RGL2: variants seen among roughly 807,000 people sequenced by gnomAD.
The protein encoded by RGL2 is ral guanine nucleotide dissociation stimulator like 2.
A neutral mutation model predicts 84.6 loss-of-function variants in RGL2; 40 were observed. That is an observed-to-expected ratio of 0.47 (90% CI 0.37 to 0.62). The LOEUF (loss-of-function observed/expected upper bound fraction) is 0.62, where lower values mean the gene tolerates loss of function less well. RGL2 is among the 20% of genes least tolerant of loss of function. The probability of loss-of-function intolerance (pLI) is 0.00; values close to 1 mark genes in which losing one functional copy is unlikely to be tolerated. For synonymous variants in RGL2, 369 were observed against 417.3 expected (o/e 0.88, Z 1.41); for missense variants, 865 against 1,019.7 (o/e 0.85, Z 2.07).
At position 33,295,457 on chromosome 6, in the gene RGL2, G is replaced by A. The variant is rs769671081; in HGVS notation, c.1021-35C>T. 1.1e-5 allele frequency: 18 copies of A among 1,613,422 alleles called. No homozygotes were observed. In the South Asian group the frequency reaches 1.9e-4, roughly 17 times the overall value. On this transcript the variant is annotated intron_variant, in intron 7 of 17. Coordinates refer to ENST00000497454, the MANE Select transcript of RGL2 (RefSeq NM_004761.5). This position sits in a 1 kb window ranked among gnomAD's most constrained non-coding sequence, Gnocchi z 7.2. ...TCAAAGAAGAGAGCTAAGGCTATGG[G>A]AGGCCTCTCCATTCCATGGCCACAA... is the stretch of plus-strand genomic sequence containing the variant.
At position 33,295,333 on chromosome 6, in the gene RGL2, C is replaced by A. The variant is rs1183889550; in HGVS notation, c.1110G>T (p.Trp370Cys). The stretch of plus-strand genomic sequence containing the variant: ...AGCCTCCGCACCTGGTTGCTTCCCC[C>A]CAGGCTGCCCGAAGCCTGTGGATGG... Reference protein sequence around the residue: ...SSPIHRLRAAWGEATRDSLRV... With the variant: ...SSPIHRLRAACGEATRDSLRV... The change falls in exon 8 of 18, where the codon TGG becomes TGT. Residue 370 changes from tryptophan to cysteine, a missense_variant. Transcript: ENST00000497454. The surrounding 1 kb of genome is among the most constrained non-coding windows in gnomAD (Gnocchi z 7.2). The A allele has an allele frequency of 1.3e-6, 2 of 1,582,108 alleles. No homozygotes were observed.
Position 33,293,509 on chromosome 6 carries a change from A to G in RGL2, c.1620T>C (p.Val540=). ...ISQWTEVLGS[V]GVPTPLVSCD... ...AGGACACAAGCGGGGTAGGGACCCC[A>G]ACAGAGCCCAAAACCCTGCAGTGGC... The change falls in exon 15 of 18, where the codon GTT becomes GTC. Residue 540 remains valine, a synonymous_variant. Coordinates refer to ENST00000497454, the MANE Select transcript of RGL2 (RefSeq NM_004761.5). The surrounding 1 kb of genome is among the most constrained non-coding windows in gnomAD (Gnocchi z 7.0). The G allele has an allele frequency of 6.2e-7, 1 of 1,613,954 alleles. No individual in the cohort carries two copies. Among genetic ancestry groups the G allele is most frequent in the Middle Eastern group, 1.7e-4 (1 of 6,060 alleles).
chr6:33,292,309 C>A lies in RGL2; in HGVS notation c.2127G>T (p.Leu709=). Residue 709 remains leucine (L), a synonymous_variant, in exon 18 of 18, where the codon CTG becomes CTT. Coordinates refer to ENST00000497454, the MANE Select transcript of RGL2 (RefSeq NM_004761.5). ...LVQLLPGERE[L]TIPASANVFY... ...ATACATTAGCCGAGGCTGGGATAGT[C>A]AGCTCTGAAGGTTCAGGGGATGGAT... 1 of 1,613,766 alleles carries A rather than the reference C, an allele frequency of 6.2e-7. No homozygotes were observed. The highest frequency in any genetic ancestry group is 8.5e-7 in the Non-Finnish European group (1 of 1,179,732).
At position 33,292,082 on chromosome 6, in the gene RGL2, A is replaced by G. The variant is rs1192239476; in HGVS notation, c.*20T>C. ...CTGGTATGAACACCATGACTTCTGTAAGCCAACGGGGCTTCCTCCTCAGAA... is the reference window on the plus strand; with the variant it reads ...CTGGTATGAACACCATGACTTCTGTGAGCCAACGGGGCTTCCTCCTCAGAA... On this transcript the variant is annotated 3_prime_UTR_variant, in exon 18 of 18. Coordinates refer to ENST00000497454, the MANE Select transcript of RGL2 (RefSeq NM_004761.5). 6.2e-7 allele frequency: 1 copy of G among 1,613,384 alleles called. No individual in the cohort carries two copies. Among genetic ancestry groups the G allele is most frequent in the East Asian group, 2.2e-5 (1 of 44,894 alleles).
rs770605074 is a variant in RGL2, at chr6:33,295,483, ACC to A, written c.1020+23_1020+24del. The A allele has an allele frequency of 6.2e-7, 1 of 1,613,016 alleles. No homozygotes were observed. Among genetic ancestry groups the A allele is most frequent in the East Asian group, 2.2e-5 (1 of 44,852 alleles). ...AGGCCTCTCCATTCCATGGCCACAAACCGTAGGGCAATCTTCTCTCTCACCTC... is the reference window on the plus strand; with the variant it reads ...AGGCCTCTCCATTCCATGGCCACAAAGTAGGGCAATCTTCTCTCTCACCTC... On this transcript the variant is annotated intron_variant, in intron 7 of 17. Coordinates refer to ENST00000497454, the MANE Select transcript of RGL2 (RefSeq NM_004761.5). This position sits in a 1 kb window ranked among gnomAD's most constrained non-coding sequence, Gnocchi z 7.2.
In RGL2 at chr6:33,297,734, GTGGC is replaced by G. The variant is rs1768125140; in HGVS notation, c.157-623_157-620del. Reference sequence around the variant, plus strand: ...GGGGGCGGTAGACTCAGAGAGTCACGTGGCCCCAGCCCCTCCCCCGACCGATCCC... The same window carrying G: ...GGGGGCGGTAGACTCAGAGAGTCACGCCCAGCCCCTCCCCCGACCGATCCC... On this transcript the variant is annotated intron_variant, in intron 2 of 17. Transcript: ENST00000497454. The surrounding 1 kb of genome is among the most constrained non-coding windows in gnomAD (Gnocchi z 4.0). 1 of 152,418 alleles carries G rather than the reference GTGGC, an allele frequency of 6.6e-6. No individual in the cohort carries two copies. Among genetic ancestry groups the G allele is most frequent in the Non-Finnish European group, 1.5e-5 (1 of 68,258 alleles). 9.4% of individuals were successfully genotyped at this position (152,418 alleles called of 1,614,324 possible).
chr6:33,293,125 C>T lies in RGL2; in HGVS notation c.1898G>A (p.Gly633Glu), dbSNP rs901418296. Residue 633 changes from glycine to glutamate, a missense_variant, in exon 16 of 18, where the codon GGG becomes GAG. Transcript: ENST00000497454. The surrounding 1 kb of genome is among the most constrained non-coding windows in gnomAD (Gnocchi z 7.0). The stretch of plus-strand genomic sequence containing the variant: ...TCCCTCTCCCCCATATCCAGTCCCC[C>T]CGGAGGCCTCTTCTGCACCCCCACT... ...PLSGGAEEAS[G>E]GTGYGGEGSG... 1 of 1,613,086 alleles carries T rather than the reference C, an allele frequency of 6.2e-7. No homozygotes were observed. The highest frequency in any genetic ancestry group is 8.5e-7 in the Non-Finnish European group (1 of 1,179,532).
Position 33,296,381 on chromosome 6 carries a change from G to A in RGL2, c.470+33C>T, listed in dbSNP as rs1470318587. On this transcript the variant is annotated intron_variant, in intron 5 of 17. Transcript: ENST00000497454. The surrounding 1 kb of genome is among the most constrained non-coding windows in gnomAD (Gnocchi z 5.0). Reference sequence around the variant, plus strand: ...GGTAAAGCTGCAGCCTGGGCAGAGGGGACTGTGAGATTAAGAACCAGGGGT... The same window carrying A: ...GGTAAAGCTGCAGCCTGGGCAGAGGAGACTGTGAGATTAAGAACCAGGGGT... 1.2e-6 allele frequency: 2 copies of A among 1,606,472 alleles called. No homozygotes were observed. Among genetic ancestry groups the A allele is most frequent in the Non-Finnish European group, 1.7e-6 (2 of 1,175,888 alleles).
In RGL2 at chr6:33,295,262, C is replaced by G. The variant is rs1767830876; in HGVS notation, c.1125-51G>C. The G allele has an allele frequency of 1.3e-6, 2 of 1,565,900 alleles. No homozygotes were observed. Among genetic ancestry groups the G allele is most frequent in the Middle Eastern group, 1.7e-4 (1 of 6,004 alleles). On this transcript the variant is annotated intron_variant, in intron 8 of 17. Transcript: ENST00000497454. This position sits in a 1 kb window ranked among gnomAD's most constrained non-coding sequence, Gnocchi z 7.2. ...GAGGACAGGCCTGGCTCTGTCACCCCCTCTTCCCCGCCTTCTGAGGAACCC... is the reference window on the plus strand; with the variant it reads ...GAGGACAGGCCTGGCTCTGTCACCCGCTCTTCCCCGCCTTCTGAGGAACCC...
At chr6:33,301,583 A>G (rs541143582), upstream of RGL2, 120 of 629,226 alleles carry the variant, frequency 1.9e-4, no homozygotes, top group Admixed American at 3.5e-3. Flanking sequence ...CAAAAAAAAA[A>G]AAAAAAGAAA....
Position 33,294,563 on chromosome 6 carries a change from G to T in RGL2, c.1353+125C>A. ...ACTGAGGCGACTTGGCACAGAAACA[G>T]ATCTGGCTCTGTCCCACACTCAGCT... On this transcript the variant is annotated intron_variant, in intron 11 of 17. Transcript: ENST00000497454. The surrounding 1 kb of genome is among the most constrained non-coding windows in gnomAD (Gnocchi z 5.0). 1 of 978,338 alleles carries T rather than the reference G, an allele frequency of 1.0e-6. No homozygotes were observed. The highest frequency in any genetic ancestry group is 1.5e-6 in the Non-Finnish European group (1 of 649,718). 60.6% of individuals were successfully genotyped at this position (978,338 alleles called of 1,614,324 possible).
rs752098624 is a variant in RGL2 at position 33,293,853 on chromosome 6, G to A, written c.1450C>T (p.Pro484Ser). Residue 484 changes from proline (P) to serine (S), a missense_variant, in exon 13 of 18, where the codon CCT (proline) becomes TCT (serine). This residue lies in a region of RGL2 where 75 missense variants were observed against 130.8 expected (regional missense o/e 0.57). Coordinates refer to ENST00000497454, the MANE Select transcript of RGL2 (RefSeq NM_004761.5). This position sits in a 1 kb window ranked among gnomAD's most constrained non-coding sequence, Gnocchi z 7.0. Reference sequence around the variant, plus strand: ...AGCCACCTCTGGATATCATGGTCAGGTTGGAGGTTATAGCCACGACATTCA... The same window carrying A: ...AGCCACCTCTGGATATCATGGTCAGATTGGAGGTTATAGCCACGACATTCA... ...QNECRGYNLQ[P>S]DHDIQRWLQG... 1.9e-6 allele frequency: 3 copies of A among 1,614,126 alleles called. No homozygotes were observed. In the Admixed American group the frequency reaches 5.0e-5, roughly 27 times the overall value.
rs778343192 is a variant in RGL2, at chr6:33,296,469, G to T, written c.420-5C>A. ...TGAGATTCAAGGGCTTCCAGCCTGAGGGGGAGAAGAGGATCTATCTGTCCA... is the reference window on the plus strand; with the variant it reads ...TGAGATTCAAGGGCTTCCAGCCTGATGGGGAGAAGAGGATCTATCTGTCCA... On this transcript the variant is annotated splice_region_variant and splice_polypyrimidine_tract_variant and intron_variant, in intron 4 of 17. Transcript: ENST00000497454. This position sits in a 1 kb window ranked among gnomAD's most constrained non-coding sequence, Gnocchi z 5.0. 11 of 1,605,752 alleles carry T rather than the reference G, an allele frequency of 6.9e-6. No individual in the cohort carries two copies. The highest frequency in any genetic ancestry group is 6.8e-6 in the Non-Finnish European group (8 of 1,175,972).
chr6:33,295,323 TTGCTTCCCCCCAGGCTGCCCGAAGCC>T lies in RGL2; in HGVS notation c.1094_1119del (p.Arg365AsnfsTer20). 6.4e-7 allele frequency: 1 copy of T among 1,574,064 alleles called. No individual in the cohort carries two copies. Among genetic ancestry groups the T allele is most frequent in the Non-Finnish European group, 8.6e-7 (1 of 1,159,826 alleles). Reference sequence around the variant, plus strand: ...CCAATGCCTCAGCCTCCGCACCTGGTTGCTTCCCCCCAGGCTGCCCGAAGCCTGTGGATGGGGCTGGACTGCAGGGC... The same window carrying T: ...CCAATGCCTCAGCCTCCGCACCTGGTTGTGGATGGGGCTGGACTGCAGGGC... On this transcript the variant is annotated frameshift_variant, in exon 8 of 18. Transcript: ENST00000497454. LOFTEE classifies it high-confidence loss of function. The surrounding 1 kb of genome is among the most constrained non-coding windows in gnomAD (Gnocchi z 7.2).
Position 33,298,099 on chromosome 6 carries a change from A to T in RGL2, c.156+356T>A, listed in dbSNP as rs1265770244. 1 of 177,930 alleles carries T rather than the reference A, an allele frequency of 5.6e-6. No individual in the cohort carries two copies. Among genetic ancestry groups the T allele is most frequent in the Non-Finnish European group, 1.2e-5 (1 of 84,602 alleles). The allele number at this position is 177,930 out of a possible 1,614,324, so 11.0% of individuals were successfully genotyped here. A position where few individuals can be genotyped will look rare whatever the true frequency, so the allele number is the denominator to read the frequency against. ...AGAGGAGCTGGTTACTGTGGAAACA[A>T]ACCCCTCCCCGCCAAACAAAAACAA... On this transcript the variant is annotated intron_variant, in intron 2 of 17. Transcript: ENST00000497454. The surrounding 1 kb of genome is among the most constrained non-coding windows in gnomAD (Gnocchi z 4.8).
chr6:33,295,203 A>G lies in RGL2; in HGVS notation c.1133T>C (p.Leu378Pro). 1.2e-6 allele frequency: 2 copies of G among 1,602,988 alleles called. No individual in the cohort carries two copies. The highest frequency in any genetic ancestry group is 1.1e-5 in the South Asian group (1 of 89,124). The stretch of plus-strand genomic sequence containing the variant: ...CTGGCAGAGGCTGGAAAAGACTCTG[A>G]GGCTGTCCCTGGGGAAGGGAGAAAA... ...AAWGEATRDS[L>P]RVFSSLCQIF... The change falls in exon 9 of 18, where the codon CTC becomes CCC. Residue 378 changes from leucine to proline, a missense_variant. Leu to Pro is a moderately conservative substitution (Grantham distance 98). Transcript: ENST00000497454. The surrounding 1 kb of genome is among the most constrained non-coding windows in gnomAD (Gnocchi z 7.2).
At position 33,294,126 on chromosome 6, in the gene RGL2, G is replaced by C; in HGVS notation, c.1354-60C>G. On this transcript the variant is annotated intron_variant, in intron 11 of 17. Coordinates refer to ENST00000497454, the MANE Select transcript of RGL2 (RefSeq NM_004761.5). The surrounding 1 kb of genome is among the most constrained non-coding windows in gnomAD (Gnocchi z 5.0). ...ACCCTACCTTCCGGCCACAGAGAGA[G>C]AATATCCCCTCTCTTAAACACACAC... The C allele has an allele frequency of 6.4e-7, 1 of 1,570,102 alleles. No individual in the cohort carries two copies. Among genetic ancestry groups the C allele is most frequent in the Non-Finnish European group, 8.7e-7 (1 of 1,154,556 alleles).
Position 33,296,584 on chromosome 6 carries a change from C to T in RGL2, c.419+14G>A. On this transcript the variant is annotated intron_variant, in intron 4 of 17. Coordinates refer to ENST00000497454, the MANE Select transcript of RGL2 (RefSeq NM_004761.5). The surrounding 1 kb of genome is among the most constrained non-coding windows in gnomAD (Gnocchi z 5.0). ...GCAGATACTCCACTACCCTGCGTCC[C>T]TTATGACTCTGACCTGTCAGCCATA... 6.2e-7 allele frequency: 1 copy of T among 1,609,816 alleles called. No individual in the cohort carries two copies.
chr6:33,292,383 G>A (rs757864458), intron 17 of RGL2, 47 bp downstream of exon 17: 14 of 1,606,712 alleles, frequency 8.7e-6, no homozygotes, highest in South Asian at 2.2e-5. Context: ...AGATGTGGAA[G>A]TACTCCACTC....
Sources: gnomAD v4.1 joint callset for allele counts on GRCh38, gnomAD v4.1.1 for gene constraint, gnomAD v4.1.1 regional missense constraint, Gnocchi (gnomAD v3.1) non-coding constraint, MANE v1.5 for transcripts, NCBI Gene and HGNC (gene_info 2026-07-23, HGNC 2026-07-21) for gene names.